KAT6A: variants seen among roughly 807,000 people sequenced by gnomAD.
The protein encoded by KAT6A is lysine acetyltransferase 6A.
KAT6A carries 9 observed loss-of-function variants against 198.4 expected under a neutral mutation model. The ratio of observed to expected loss-of-function variants is 0.05; its 90% confidence interval spans 0.03 to 0.08. The LOEUF is 0.08. KAT6A is among the 10% of genes least tolerant of loss of function. The probability of loss-of-function intolerance (pLI) is 1.00; values close to 1 mark genes in which losing one functional copy is unlikely to be tolerated. For synonymous variants in KAT6A, 890 were observed against 883.0 expected, an observed-to-expected ratio of 1.01 and a Z score of -0.14; for missense variants, 2,077 against 2,509.9, an observed-to-expected ratio of 0.83 and a Z score of 3.69.
At chr8:41,957,426 CTG>C in intron 8 of KAT6A, 1 of 378,278 alleles carries the variant, frequency 2.6e-6, no homozygotes. Context: ...CAAAATCAAA[CTG>C]TCATATCTGA....
chr8:41,973,439 C>T lies in KAT6A; in HGVS notation c.1482+1265G>A, dbSNP rs965097965. Among the ~76,000 whole-genome samples, 7 of 151,974 alleles carry T rather than the reference C, an allele frequency of 4.6e-5. 1 individual carries two copies. The highest frequency in any genetic ancestry group is 1.9e-4 in the East Asian group (1 of 5,184). On this transcript the variant is annotated intron_variant, in intron 8 of 16. Transcript: ENST00000265713. Reference sequence around the variant, plus strand: ...TTCACCATGCTGGCCAGGCTGGTCTCGAATTCCTGACCTCAAGTGATCCAC... The same window carrying T: ...TTCACCATGCTGGCCAGGCTGGTCTTGAATTCCTGACCTCAAGTGATCCAC...
At chr8:42,036,392 C>T (rs1482904806) in intron 2 of KAT6A, among the ~76,000 whole-genome samples, 8 of 152,066 alleles carry the variant, frequency 5.3e-5, no homozygotes, top group Admixed American at 5.2e-4. Context: ...GGGCAGATCA[C>T]CTGAGGTCAG....
chr8:41,976,564 C>A (rs1350603276), intron 7 of KAT6A, among the ~76,000 whole-genome samples: 1 of 152,184 alleles, frequency 6.6e-6, no homozygotes, highest in East Asian at 1.9e-4. Flanking sequence ...TCAATGACCT[C>A]ATCACATCTG....
In KAT6A at chr8:41,955,292, A is replaced by G. The variant is rs755865738; in HGVS notation, c.1598+4T>C. ...CAGAAGGTCAAGGGTCTCTCAAAAC[A>G]TACCTTGAGTATTCTTGAGGATATG... is the stretch of plus-strand genomic sequence containing the variant. On this transcript the variant is annotated splice_donor_region_variant and intron_variant, in intron 9 of 16. Transcript: ENST00000265713. 1.3e-6 allele frequency: 2 copies of G among 1,545,584 alleles called. No homozygotes were observed. The highest frequency in any genetic ancestry group is 1.8e-6 in the Non-Finnish European group (2 of 1,117,592).
chr8:41,967,200 A>G (rs1208326378), intron 8 of KAT6A, among the ~76,000 whole-genome samples: 1 of 151,964 alleles, frequency 6.6e-6, no homozygotes, highest in Non-Finnish European at 1.5e-5. Flanking sequence ...ATCATTCTAT[A>G]TATTTCAAGA....
At chr8:41,948,708 A>C (rs887355654) in intron 10 of KAT6A, among the ~76,000 whole-genome samples, 6 of 152,214 alleles carry the variant, frequency 3.9e-5, no homozygotes, top group Non-Finnish European at 8.8e-5. Context: ...TCCTCTACTG[A>C]TCACTTAAAA....
chr8:41,948,707 G>A (rs1310374387), intron 10 of KAT6A, among the ~76,000 whole-genome samples: 1 of 152,156 alleles, frequency 6.6e-6, no homozygotes, highest in Non-Finnish European at 1.5e-5. Context: ...CTCCTCTACT[G>A]ATCACTTAAA....
At chr8:42,033,424 G>A (rs1827224321) in intron 2 of KAT6A, among the ~76,000 whole-genome samples, 1 of 152,152 alleles carries the variant, frequency 6.6e-6, no homozygotes, top group South Asian at 2.1e-4. Context: ...ATGTTTGCTG[G>A]GAAGGGTGAT....
intron 2 of KAT6A, among the ~76,000 whole-genome samples, chr8:42,019,113 A>C (rs1160920776): frequency 6.6e-6 from 1 of 152,172 alleles, no homozygotes; most frequent in Non-Finnish European, 1.5e-5. Flanking sequence ...AAGTCATTTG[A>C]TCTCATCTGT....
Position 42,048,692 on chromosome 8 carries a change from T to A in KAT6A, c.286A>T (p.Asn96Tyr). The stretch of plus-strand genomic sequence containing the variant: ...TTTATCAGTTTATTCCAATCCACAT[T>A]TTGTTTATTATCCAATTTTCCATGG... The part of the protein sequence containing the change: ...RNHGKLDNKQ[N>Y]VDWNKLIKRA... Residue 96 changes from asparagine (N) to tyrosine (Y), a missense_variant, in exon 2 of 17, where the codon AAT (asparagine) becomes TAT (tyrosine). Asn to Tyr is a moderately radical substitution (Grantham distance 143). Transcript: ENST00000265713. The A allele has an allele frequency of 6.2e-7, 1 of 1,614,214 alleles. No homozygotes were observed. The highest frequency in any genetic ancestry group is 2.2e-5 in the East Asian group (1 of 44,888).
chr8:41,948,371 C>T (rs759808668), intron 10 of KAT6A, among the ~76,000 whole-genome samples: 1 of 152,178 alleles, frequency 6.6e-6, no homozygotes, highest in East Asian at 1.9e-4. Context: ...CTACCATGAT[C>T]GGGCTTGAAC....
rs148523671 is a variant in KAT6A, at chr8:42,018,856, G to A, written c.600+29522C>T. Among the ~76,000 whole-genome samples, 730 of 152,306 alleles carry A rather than the reference G, an allele frequency of 4.8e-3. 7 individuals carry two copies. The highest frequency in any genetic ancestry group is 4.9e-3 in the Non-Finnish European group (332 of 68,034). Reference sequence around the variant, plus strand: ...GAATAGCCTGAACTGGGGAGGCAGAGGTTGCAGTGAGCCAAGATCGCACCA... The same window carrying A: ...GAATAGCCTGAACTGGGGAGGCAGAAGTTGCAGTGAGCCAAGATCGCACCA... On this transcript the variant is annotated intron_variant, in intron 2 of 16. Coordinates refer to ENST00000265713, the MANE Select transcript of KAT6A (RefSeq NM_006766.5).
At chr8:41,988,916 G>A (rs1283569636) in intron 2 of KAT6A, among the ~76,000 whole-genome samples, 1 of 152,110 alleles carries the variant, frequency 6.6e-6, no homozygotes, top group South Asian at 2.1e-4. Flanking sequence ...TTCATTCATT[G>A]GTTCATTGAT....
In KAT6A at chr8:41,942,926, T is replaced by C. The variant is rs1456937248; in HGVS notation, c.2303A>G (p.Asp768Gly). Residue 768 changes from aspartate to glycine, a missense_variant, in exon 14 of 17, where the codon GAT becomes GGT. By Grantham distance (94) the Asp-to-Gly change is moderately conservative. This residue lies in a region of KAT6A where 127 missense variants were observed against 209.6 expected (regional missense o/e 0.61). Coordinates refer to ENST00000265713, the MANE Select transcript of KAT6A (RefSeq NM_006766.5). The part of the protein sequence containing the change: ...AKLQLNLRPV[D>G]VDPECLRWTP... Reference sequence around the variant, plus strand: ...CCAGCGCAAACATTCTGGATCTACATCTACAGGTCGCAAATTCAGCTGAAG... The same window carrying C: ...CCAGCGCAAACATTCTGGATCTACACCTACAGGTCGCAAATTCAGCTGAAG... 6 of 1,614,048 alleles carry C rather than the reference T, an allele frequency of 3.7e-6. No individual in the cohort carries two copies. Among genetic ancestry groups the C allele is most frequent in the South Asian group, 2.2e-5 (2 of 91,084 alleles).
intron 2 of KAT6A, among the ~76,000 whole-genome samples, chr8:42,014,897 G>A (rs1366715567): frequency 6.6e-6 from 1 of 152,142 alleles, no homozygotes; most frequent in Non-Finnish European, 1.5e-5. Context: ...TTCGGTACAT[G>A]CAGTTATTAA....
At chr8:41,980,166 G>A (rs1423173760) in intron 5 of KAT6A, among the ~76,000 whole-genome samples, 1 of 151,976 alleles carries the variant, frequency 6.6e-6, no homozygotes, top group East Asian at 1.9e-4. Flanking sequence ...ATTTGTGATA[G>A]GACAAAAAGA....
At chr8:42,047,419 CCTTT>C (rs1442346812) in intron 2 of KAT6A, among the ~76,000 whole-genome samples, 2 of 152,120 alleles carry the variant, frequency 1.3e-5, no homozygotes, top group East Asian at 1.9e-4. Context: ...CAGAACTTTA[CCTTT>C]CTTTTTGTTT....
chr8:41,974,092 T>C (rs911378254), intron 8 of KAT6A, among the ~76,000 whole-genome samples: 1 of 152,052 alleles, frequency 6.6e-6, no homozygotes, highest in Non-Finnish European at 1.5e-5. Context: ...TTTTTTTTTT[T>C]TGGAAGACAG....
At position 41,967,855 on chromosome 8, in the gene KAT6A, G is replaced by C. The variant is rs963529838; in HGVS notation, c.1482+6849C>G. Among the ~76,000 whole-genome samples, 18 of 152,058 alleles carry C rather than the reference G, an allele frequency of 1.2e-4. No homozygotes were observed. The South Asian group carries it at 2.3e-3, about 19-fold the overall frequency. ...ACTATCTGATCTTTGACAAACCTGA[G>C]AAAAACAAGCAATGGGGAAAGGATT... On this transcript the variant is annotated intron_variant, in intron 8 of 16. Coordinates refer to ENST00000265713, the MANE Select transcript of KAT6A (RefSeq NM_006766.5).
Sources: allele counts gnomAD v4.1 joint callset (sites outside exome capture counted in the v4.1 genomes callset), GRCh38; gene constraint gnomAD v4.1.1; regional missense constraint gnomAD v4.1.1; transcripts MANE v1.5; gene names NCBI Gene and HGNC (gene_info 2026-07-23, HGNC 2026-07-21).